Variants in TEAD1 observed in about 807,000 individuals in gnomAD.
TEAD1 encodes TEA domain transcription factor 1.
In TEAD1, 9 loss-of-function variants were observed where a neutral mutation model predicts 54.9. The ratio of observed to expected loss-of-function variants is 0.16; its 90% CI spans 0.10 to 0.29. The LOEUF is 0.29. TEAD1 is among the 10% of genes least tolerant of loss of function. The pLI is 1.00. For missense variants in TEAD1, 387 were observed against 535.9 expected (o/e 0.72, Z 2.74); for synonymous variants, 200 against 187.8 (o/e 1.07, Z -0.53).
chr11:12,783,133 T>TGTGTGTGTGTGTGTGTGTGTGTGCGC (rs1198828193), intron 3 of TEAD1, among the ~76,000 whole-genome samples: 2 of 145,496 alleles, frequency 1.4e-5, no homozygotes, highest in Admixed American at 6.7e-5. Flanking sequence ...TGTGTGTGTG[T>TGTGTGTGTGTGTGTGTGTGTGTGCGC]GCGCGCACTT....
intron 3 of TEAD1, among the ~76,000 whole-genome samples, chr11:12,791,073 T>G (rs1164617662): frequency 6.6e-6 from 1 of 152,238 alleles, no homozygotes; most frequent in Admixed American, 6.5e-5. Context: ...TTTTTATATG[T>G]GCATCTGAAT....
intron 2 of TEAD1, among the ~76,000 whole-genome samples, chr11:12,689,614 A>G (rs996793031): frequency 1.3e-5 from 2 of 152,214 alleles, no homozygotes; most frequent in Non-Finnish European, 2.9e-5. Context: ...TAGAGTGCCA[A>G]GTACCTCTTC....
chr11:12,879,391 G>A (rs2134094045), intron 5 of TEAD1: 1 of 587,016 alleles, frequency 1.7e-6, no homozygotes, highest in East Asian at 2.8e-5. Flanking sequence ...TTAAGTAATT[G>A]GAGAAATCTT....
At chr11:12,885,055 T>G (rs1323540602) in intron 9 of TEAD1, among the ~76,000 whole-genome samples, 3 of 152,186 alleles carry the variant, frequency 2.0e-5, no homozygotes, top group African/African-American at 7.2e-5. Context: ...AGATAGGTTC[T>G]GTTTTCCCCA....
intron 5 of TEAD1, among the ~76,000 whole-genome samples, chr11:12,868,045 G>C (rs893550708): frequency 6.6e-6 from 1 of 152,222 alleles, no homozygotes; most frequent in Admixed American, 6.5e-5. Flanking sequence ...CTCATGTGAA[G>C]ACCGAAACCA....
At chr11:12,904,379 C>T (rs1414762342) in intron 10 of TEAD1, among the ~76,000 whole-genome samples, 1 of 152,168 alleles carries the variant, frequency 6.6e-6, no homozygotes, top group Non-Finnish European at 1.5e-5. Flanking sequence ...GTGAACTTCT[C>T]AGTACTTAAA....
chr11:12,725,564 C>G lies in TEAD1; in HGVS notation c.-54-38615C>G, dbSNP rs531786881. Among the ~76,000 whole-genome samples, 5 of 151,910 alleles carry G rather than the reference C, an allele frequency of 3.3e-5. No homozygotes were observed. In the South Asian group the frequency reaches 1.0e-3, roughly 32 times the overall value. On this transcript the variant is annotated intron_variant, in intron 2 of 12. Coordinates refer to ENST00000527636, the MANE Select transcript of TEAD1 (RefSeq NM_021961.6). The stretch of plus-strand genomic sequence containing the variant: ...ATCATTACATATTCCATGCATGTAA[C>G]AAAATATCACATGCACCTCATAAAT...
rs1947872343 is a variant in TEAD1, at chr11:12,877,378, C to T, written c.331-2330C>T. ...AGACATAAAAATTAATGTGGCTGGG[C>T]GTGGTGGCTTACGCCTGTAATCCCA... is the stretch of plus-strand genomic sequence containing the variant. On this transcript the variant is annotated intron_variant, in intron 5 of 12. Transcript: ENST00000527636. Among the ~76,000 whole-genome samples the T allele has an allele frequency of 2.6e-5, 4 of 152,294 alleles. No homozygotes were observed. The South Asian group carries it at 6.2e-4, about 24-fold the overall frequency.
At chr11:12,699,308 T>C (rs1005529081) in intron 2 of TEAD1, among the ~76,000 whole-genome samples, 1 of 151,898 alleles carries the variant, frequency 6.6e-6, no homozygotes, top group Admixed American at 6.6e-5. Context: ...CTTTTAAAGA[T>C]TTTTTTTTCC....
chr11:12,901,149 T>A (rs984658599), intron 9 of TEAD1, among the ~76,000 whole-genome samples: 5 of 152,218 alleles, frequency 3.3e-5, no homozygotes, highest in African/African-American at 4.8e-5. Context: ...TAGCCTGGGT[T>A]GAGAACCATT....
chr11:12,740,469 A>G (rs1235787740), intron 2 of TEAD1, among the ~76,000 whole-genome samples: 2 of 152,248 alleles, frequency 1.3e-5, no homozygotes, highest in Non-Finnish European at 2.9e-5. Context: ...TTGGTGTATT[A>G]GTCTGTTTTC....
At chr11:12,880,908 C>T in intron 6 of TEAD1, 97 bp from the exon 7 acceptor site, 2 of 1,364,576 alleles carry the variant, frequency 1.5e-6, no homozygotes, top group Non-Finnish European at 2.1e-6. Context: ...GGTGATCGAA[C>T]CTGCTGTCTT....
rs1302924104 is a variant in TEAD1 at position 12,836,082 on chromosome 11, A to C, written c.203-26168A>C. Among the ~76,000 whole-genome samples, 5 of 152,336 alleles carry C rather than the reference A, an allele frequency of 3.3e-5. No individual in the cohort carries two copies. The East Asian group carries it at 9.6e-4, about 29-fold the overall frequency. On this transcript the variant is annotated intron_variant, in intron 3 of 12. Transcript: ENST00000527636. ...CAATGTATACATATATGATAACATCATATGATATCACAAATTTATCTGTCA... is the reference window on the plus strand; with the variant it reads ...CAATGTATACATATATGATAACATCCTATGATATCACAAATTTATCTGTCA...
At chr11:12,888,858 G>A (rs1411170273) in intron 9 of TEAD1, among the ~76,000 whole-genome samples, 1 of 152,196 alleles carries the variant, frequency 6.6e-6, no homozygotes, top group East Asian at 1.9e-4. Context: ...TGACCAAAAG[G>A]CTATACGGTC....
chr11:12,724,273 G>A (rs1340796966), intron 2 of TEAD1, among the ~76,000 whole-genome samples: 3 of 152,172 alleles, frequency 2.0e-5, no homozygotes, highest in Admixed American at 6.5e-5. Context: ...AGGAGAATCC[G>A]ATATTGGCAG....
At position 12,939,338 on chromosome 11, in the gene TEAD1, T is replaced by G. The variant is rs957860689; in HGVS notation, c.*2116T>G. On this transcript the variant is annotated 3_prime_UTR_variant, in exon 13 of 13. Coordinates refer to ENST00000527636, the MANE Select transcript of TEAD1 (RefSeq NM_021961.6). Reference sequence around the variant, plus strand: ...TTCTTTTGCTCTTATTTCCTGCATCTTTCCTTAAGGGAAGCCCCATCCTCT... The same window carrying G: ...TTCTTTTGCTCTTATTTCCTGCATCGTTCCTTAAGGGAAGCCCCATCCTCT... 9.2e-5 allele frequency: 14 copies of G among 152,296 alleles called. No homozygotes were observed. The highest frequency in any genetic ancestry group is 3.4e-4 in the African/African-American group (14 of 41,464). 9.4% of individuals were successfully genotyped at this position (152,296 alleles called of 1,614,324 possible). A position where few individuals can be genotyped will look rare whatever the true frequency, so the allele number is the denominator to read the frequency against.
chr11:12,914,095 G>C (rs1449330879), intron 10 of TEAD1, among the ~76,000 whole-genome samples: 1 of 152,162 alleles, frequency 6.6e-6, no homozygotes, highest in Non-Finnish European at 1.5e-5. Context: ...TGCCACTAGT[G>C]GTCACCTGAA....
At chr11:12,685,654 C>G (rs1267356725) in intron 2 of TEAD1, among the ~76,000 whole-genome samples, 1 of 152,118 alleles carries the variant, frequency 6.6e-6, no homozygotes, top group Non-Finnish European at 1.5e-5. Flanking sequence ...TAAAATGAAA[C>G]TTTTTTACTT....
chr11:12,684,251 C>T (rs974030054), intron 2 of TEAD1, among the ~76,000 whole-genome samples: 30 of 152,248 alleles, frequency 2.0e-4, no homozygotes, highest in East Asian at 1.9e-4. Flanking sequence ...TCAGTAAATA[C>T]GTAATATTTG....
Sources: gnomAD v4.1 joint callset for allele counts (sites outside exome capture counted in the v4.1 genomes callset) on GRCh38, gnomAD v4.1.1 for gene constraint, MANE v1.5 for transcripts, NCBI Gene and HGNC (gene_info 2026-07-23, HGNC 2026-07-21) for gene names.